The following PI4KA variants were observed in gnomAD, a reference collection of about 807,000 sequenced individuals.
PI4KA encodes PI4-kinase alpha.
A neutral mutation model predicts 271.4 loss-of-function variants in PI4KA; 122 were observed. The observed-to-expected ratio is 0.45, with a 90% CI of 0.39 to 0.52. The LOEUF is 0.52. PI4KA is among the 20% of genes least tolerant of loss of function. PI4KA has a pLI of 0.00. For synonymous variants in PI4KA, 1,041 were observed against 1,078.8 expected (o/e 0.96, Z 0.69); for missense variants, 1,969 against 2,769.1 (o/e 0.71, Z 6.48).
intron 1 of PI4KA, among the ~76,000 whole-genome samples, chr22:20,854,563 A>C (rs1030485401): frequency 2.6e-5 from 4 of 152,142 alleles, no homozygotes; most frequent in African/African-American, 9.7e-5. Context: ...TATGTCATTA[A>C]TGTACCTCAA....
chr22:20,787,213 C>T (rs1004071791), intron 19 of PI4KA: 7 of 745,296 alleles, frequency 9.4e-6, no homozygotes, highest in African/African-American at 3.5e-5. Context: ...AGCTTAGAAA[C>T]GACCAAGAAG....
At chr22:20,741,568 T>C (rs1013726083) in intron 32 of PI4KA, among the ~76,000 whole-genome samples, 1 of 151,616 alleles carries the variant, frequency 6.6e-6, no homozygotes, top group Non-Finnish European at 1.5e-5. Flanking sequence ...AAATGTGAGA[T>C]ATTATCATCA....
Position 20,799,257 on chromosome 22 carries a change from C to A in PI4KA, c.1840G>T (p.Asp614Tyr). Residue 614 changes from aspartate to tyrosine, a missense_variant, in exon 16 of 55, where the codon GAC becomes TAC. Physicochemically the swap from Asp to Tyr is radical, Grantham distance 160. Coordinates refer to ENST00000255882, the MANE Select transcript of PI4KA (RefSeq NM_058004.4). ...ESDKDAHLIP[D>Y]HTIRALGHIA... ...TGTCCCAAGGCTCGGATTGTGTGGT[C>A]GGGAATCAAGTGAGCGTCCCTACAG... 1 of 1,528,304 alleles carries A rather than the reference C, an allele frequency of 6.5e-7. No homozygotes were observed. Among genetic ancestry groups the A allele is most frequent in the Admixed American group, 2.2e-5 (1 of 46,074 alleles). The allele number at this position is 1,528,304 out of a possible 1,614,324, so 94.7% of individuals were successfully genotyped here.
intron 17 of PI4KA, among the ~76,000 whole-genome samples, chr22:20,797,063 G>T (rs563176560): frequency 1.3e-5 from 2 of 152,146 alleles, no homozygotes; most frequent in Non-Finnish European, 2.9e-5. Context: ...GTAGGATCAC[G>T]GGAAGAGTGA....
At chr22:20,797,657 T>G (rs1348781418) in intron 17 of PI4KA, among the ~76,000 whole-genome samples, 1 of 152,162 alleles carries the variant, frequency 6.6e-6, no homozygotes, top group African/African-American at 2.4e-5. Flanking sequence ...TGCAATCTCA[T>G]TCCCAACTGC....
In PI4KA at chr22:20,739,218, C is replaced by T. The variant is rs570260355; in HGVS notation, c.3741+3010G>A. Among the ~76,000 whole-genome samples, 18 of 151,464 alleles carry T rather than the reference C, an allele frequency of 1.2e-4. No individual in the cohort carries two copies. The East Asian group carries it at 2.9e-3, about 25-fold the overall frequency. On this transcript the variant is annotated intron_variant, in intron 32 of 54. Coordinates refer to ENST00000255882, the MANE Select transcript of PI4KA (RefSeq NM_058004.4). ...AAAATTAGCCGGGCGTGGTGGCAGGCGCCTGTAGTCTCAGCTACTCGGGAG... is the reference window on the plus strand; with the variant it reads ...AAAATTAGCCGGGCGTGGTGGCAGGTGCCTGTAGTCTCAGCTACTCGGGAG...
chr22:20,726,599 C>T (rs1003038368), intron 41 of PI4KA, 58 bp from the exon 42 acceptor site: 72 of 1,459,168 alleles, frequency 4.9e-5, no homozygotes, highest in African/African-American at 2.6e-4. Flanking sequence ...CCCAACCCTA[C>T]GGCCCAGGCC....
Position 20,734,682 on chromosome 22 carries a change from A to T in PI4KA, c.3742-129T>A, listed in dbSNP as rs201498977. ...TTTAGAAACCAAGAAAAGTATGAAGAAAAAAATGAAGATCGCCTATAGTCC... is the reference window on the plus strand; with the variant it reads ...TTTAGAAACCAAGAAAAGTATGAAGTAAAAAATGAAGATCGCCTATAGTCC... On this transcript the variant is annotated intron_variant, in intron 32 of 54. Transcript: ENST00000255882. 1.4e-4 allele frequency: 146 copies of T among 1,029,178 alleles called. 1 individual carries two copies. The East Asian group carries it at 3.2e-3, about 23-fold the overall frequency. 63.8% of individuals were successfully genotyped at this position (1,029,178 alleles called of 1,614,324 possible).
intron 3 of PI4KA, among the ~76,000 whole-genome samples, chr22:20,831,724 TC>T (rs1183278218): frequency 3.3e-5 from 5 of 152,214 alleles, no homozygotes; most frequent in Non-Finnish European, 1.5e-5. Context: ...AGGTGACCTG[TC>T]CCTTCTCTCT....
chr22:20,798,545 T>C, intron 17 of PI4KA, 39 bp downstream of exon 17: 1 of 1,174,842 alleles, frequency 8.5e-7, no homozygotes, highest in Non-Finnish European at 1.3e-6. Flanking sequence ...GTAAGTTAAA[T>C]ACTGTCATGA....
chr22:20,858,576 C>A lies in PI4KA; in HGVS notation c.150G>T (p.Leu50Phe), dbSNP rs1927954854. Reference protein sequence around the residue: ...RSLAVQRPASLEKVQKLLCMC... With the variant: ...RSLAVQRPASFEKVQKLLCMC... ...CCCAGCCCGCCGACGTTACCTTCTC[C>A]AAGGATGCTGGTCTCTGCACCGCCA... Residue 50 changes from leucine to phenylalanine, a missense_variant, in exon 1 of 55, where the codon TTG becomes TTT. Around this residue, in one of 13 missense-constraint regions of PI4KA, gnomAD observed 540 missense variants for 555.5 expected, o/e 0.97. Coordinates refer to ENST00000255882, the MANE Select transcript of PI4KA (RefSeq NM_058004.4). 7.1e-7 allele frequency: 1 copy of A among 1,402,908 alleles called. No individual in the cohort carries two copies. The highest frequency in any genetic ancestry group is 9.3e-7 in the Non-Finnish European group (1 of 1,075,758). The allele number at this position is 1,402,908 out of a possible 1,614,324, so 86.9% of individuals were successfully genotyped here. A position where few individuals can be genotyped will look rare whatever the true frequency, so the allele number is the denominator to read the frequency against.
intron 4 of PI4KA, among the ~76,000 whole-genome samples, chr22:20,822,459 A>G (rs1922838446): frequency 6.6e-6 from 1 of 152,220 alleles, no homozygotes; most frequent in Admixed American, 6.5e-5. Context: ...TACCCCTACA[A>G]AAACTCATGG....
chr22:20,838,678 T>C lies in PI4KA; in HGVS notation c.210A>G (p.Leu70=), dbSNP rs368115431. ...CPVDFHGIFQ[L]DERRRDAVIA... ...TCACTGCATCTCTCCGTCTTTCATC[T>C]AACTGGAAGATCCCATGGAAATCCA... The change falls in exon 2 of 55, where the codon TTA becomes TTG. Residue 70 remains leucine, a synonymous_variant. Transcript: ENST00000255882. The C allele has an allele frequency of 4.0e-5, 64 of 1,613,690 alleles. 1 individual carries two copies. The highest frequency in any genetic ancestry group is 4.9e-5 in the Non-Finnish European group (58 of 1,179,678).
chr22:20,712,593 T>C lies in PI4KA; in HGVS notation c.5695A>G (p.Ile1899Val), dbSNP rs1284977772. 1 of 1,586,040 alleles carries C rather than the reference T, an allele frequency of 6.3e-7. No homozygotes were observed. Among genetic ancestry groups the C allele is most frequent in the Non-Finnish European group, 8.6e-7 (1 of 1,167,550 alleles). ...TAPGCGVIEC[I>V]PDCTSRDQLG... is the part of the protein sequence containing the mutation. ...TGGTCCCGGGAGGTGCAGTCGGGGA[T>C]GCACTCGATCACCCCGCACTAGGAG... The change falls in exon 50 of 55, where the codon ATC becomes GTC. Residue 1899 changes from isoleucine (I) to valine (V), a missense_variant. Around this residue, in one of 13 missense-constraint regions of PI4KA, gnomAD observed 110 missense variants for 349.8 expected, o/e 0.31. Coordinates refer to ENST00000255882, the MANE Select transcript of PI4KA (RefSeq NM_058004.4).
intron 19 of PI4KA, chr22:20,780,212 C>T (rs780265825): frequency 1.2e-6 from 2 of 1,614,204 alleles, no homozygotes; most frequent in Non-Finnish European, 1.7e-6. Context: ...GTAAGAGGCA[C>T]CTTTACAGTT....
chr22:20,744,067 AAAAC>A (rs770254175), intron 30 of PI4KA, among the ~76,000 whole-genome samples: 2 of 152,116 alleles, frequency 1.3e-5, no homozygotes, highest in African/African-American at 2.4e-5. Context: ...AACAAAAACA[AAAAC>A]AAACAAACAA....
chr22:20,811,099 A>C, intron 8 of PI4KA, 67 bp from the exon 9 acceptor site: 1 of 1,193,712 alleles, frequency 8.4e-7, no homozygotes, highest in Middle Eastern at 1.9e-4. Context: ...AGCTCCTTCT[A>C]CCGAAAACCC....
intron 1 of PI4KA, among the ~76,000 whole-genome samples, chr22:20,857,135 T>A (rs1176383681): frequency 1.3e-5 from 2 of 152,234 alleles, no homozygotes; most frequent in East Asian, 3.8e-4. Flanking sequence ...CTCTTCACAA[T>A]ACTCCTATGA....
At chr22:20,796,973 G>A (rs771098898) in intron 17 of PI4KA, among the ~76,000 whole-genome samples, 4 of 152,152 alleles carry the variant, frequency 2.6e-5, no homozygotes, top group African/African-American at 4.8e-5. Context: ...ATGTCCAAGC[G>A]GCACGACCCT....
Sources: allele counts gnomAD v4.1 joint callset (sites outside exome capture counted in the v4.1 genomes callset), GRCh38; gene constraint gnomAD v4.1.1; regional missense constraint gnomAD v4.1.1; transcripts MANE v1.5; gene names NCBI Gene and HGNC (gene_info 2026-07-23, HGNC 2026-07-21).